Variants in BECN1 observed in about 807,000 individuals in gnomAD.
BECN1 encodes beclin 1, also known as beclin-1.
BECN1 carries 15 observed loss-of-function variants against 60.1 expected under a neutral mutation model. That is an observed-to-expected ratio of 0.25 (90% confidence interval 0.17 to 0.38). The LOEUF (loss-of-function observed/expected upper bound fraction) is 0.38, where lower values mean the gene tolerates loss of function less well. BECN1 is among the 10% of genes least tolerant of loss of function. The probability of loss-of-function intolerance (pLI) is 1.00; values close to 1 mark genes in which losing one functional copy is unlikely to be tolerated. For missense variants in BECN1, 424 were observed against 548.2 expected (o/e 0.77, Z 2.26); for synonymous variants, 179 against 201.8 (o/e 0.89, Z 0.96).
intron 11 of BECN1, 127 bp from the exon 12 acceptor site, chr17:42,811,055 A>G: frequency 9.5e-7 from 1 of 1,051,412 alleles, no homozygotes; most frequent in Non-Finnish European, 1.3e-6. Context: ...GAGGAATGAT[A>G]GTGTATTTTG....
chr17:42,820,875 T>A, intron 2 of BECN1, 34 bp from the exon 3 acceptor site: 3 of 1,546,894 alleles, frequency 1.9e-6, no homozygotes, highest in Non-Finnish European at 2.6e-6. Flanking sequence ...TCAGAAACAG[T>A]CTTATTAAAG....
chr17:42,819,063 AGG>A, intron 4 of BECN1, 186 bp from the exon 5 acceptor site: 2 of 617,996 alleles, frequency 3.2e-6, no homozygotes, highest in Non-Finnish European at 5.6e-6. Context: ...GGTCTTCCAC[AGG>A]GACACTCAGC....
chr17:42,811,754 T>TCCCAGAAAAACCGCAACCC lies in BECN1; in HGVS notation c.1066_1084dup (p.Asp362GlyfsTer11). On this transcript the variant is annotated frameshift_variant, in exon 11 of 12. Transcript: ENST00000590099. LOFTEE classifies it high-confidence loss of function. ...CACCATTGCATGGTCAAACTTGTTG[T>TCCCAGAAAAACCGCAACCC]CCCAGAAAAACCGCAACCCCCCAGA... is the stretch of plus-strand genomic sequence containing the variant. The TCCCAGAAAAACCGCAACCC allele has an allele frequency of 6.2e-7, 1 of 1,614,168 alleles. No individual in the cohort carries two copies. Among genetic ancestry groups the TCCCAGAAAAACCGCAACCC allele is most frequent in the Non-Finnish European group, 8.5e-7 (1 of 1,180,024 alleles).
chr17:42,822,097 G>A (rs1315708455), intron 2 of BECN1, among the ~76,000 whole-genome samples: 1 of 152,176 alleles, frequency 6.6e-6, no homozygotes. Flanking sequence ...CAGCTACTCA[G>A]GAGGCTGACG....
Position 42,819,611 on chromosome 17 carries a change from T to A in BECN1, c.199-2A>T. ...GCGAGGAGTTTCAATAAATGGCTCCTGGGAAAGAAATAAGAGGGCATTACA... is the reference window on the plus strand; with the variant it reads ...GCGAGGAGTTTCAATAAATGGCTCCAGGGAAAGAAATAAGAGGGCATTACA... On this transcript the variant is annotated splice_acceptor_variant, in intron 3 of 11. Transcript: ENST00000590099. LOFTEE classifies it high-confidence loss of function. 1 of 1,613,282 alleles carries A rather than the reference T, an allele frequency of 6.2e-7. No homozygotes were observed. Among genetic ancestry groups the A allele is most frequent in the Admixed American group, 1.7e-5 (1 of 59,908 alleles).
rs927601303 is a variant in BECN1, at chr17:42,818,747, G to C, written c.351+40C>G. On this transcript the variant is annotated intron_variant, in intron 5 of 11. Coordinates refer to ENST00000590099, the MANE Select transcript of BECN1 (RefSeq NM_001313998.2). ...TCCTGCTCAATTACCCACTCTCCCAGCCAGGCCTACTGCTTGCCACCGGAA... is the reference window on the plus strand; with the variant it reads ...TCCTGCTCAATTACCCACTCTCCCACCCAGGCCTACTGCTTGCCACCGGAA... 3 of 1,613,788 alleles carry C rather than the reference G, an allele frequency of 1.9e-6. No individual in the cohort carries two copies. The African/African-American group carries it at 4.0e-5, about 22-fold the overall frequency.
Position 42,814,062 on chromosome 17 carries a change from T to C in BECN1, c.981-54A>G, listed in dbSNP as rs74679505. 2,971 of 1,308,220 alleles carry C rather than the reference T, an allele frequency of 2.3e-3. 59 individuals are homozygous for C. The African/African-American group carries it at 0.038, about 17-fold the overall frequency. The allele number at this position is 1,308,220 out of a possible 1,614,324, so 81.0% of individuals were successfully genotyped here. ...TACAGGACTCCTCCCAAAGTGATTA[T>C]TGGGAAGTTACAACCCAATGATTTC... On this transcript the variant is annotated intron_variant, in intron 9 of 11. Coordinates refer to ENST00000590099, the MANE Select transcript of BECN1 (RefSeq NM_001313998.2).
At chr17:42,815,170 C>T (rs2055120237) in intron 8 of BECN1, among the ~76,000 whole-genome samples, 1 of 149,532 alleles carries the variant, frequency 6.7e-6, no homozygotes, top group African/African-American at 2.5e-5. Context: ...AACCTCTTAA[C>T]GAGGCCTACG....
chr17:42,811,596 G>C, intron 11 of BECN1, 59 bp downstream of exon 11: 2 of 1,557,440 alleles, frequency 1.3e-6, no homozygotes, highest in Non-Finnish European at 1.7e-6. Flanking sequence ...TATTACTGCT[G>C]CTTCAATTCT....
Position 42,810,937 on chromosome 17 carries a change from G to T in BECN1, c.1185-9C>A, listed in dbSNP as rs1176443440. 3 of 1,596,844 alleles carry T rather than the reference G, an allele frequency of 1.9e-6. No homozygotes were observed. The South Asian group carries it at 3.4e-5, about 18-fold the overall frequency. On this transcript the variant is annotated splice_polypyrimidine_tract_variant and intron_variant, in intron 11 of 11. Transcript: ENST00000590099. The stretch of plus-strand genomic sequence containing the variant: ...CTTTCTCCACATCCATCCTGCAGAT[G>T]GACAGAGCAAAACTCATTAGTAACT...
chr17:42,819,466 T>C, intron 4 of BECN1, 82 bp downstream of exon 4: 1 of 1,477,088 alleles, frequency 6.8e-7, no homozygotes, highest in Non-Finnish European at 9.3e-7. Context: ...CTCTATCACC[T>C]GGCTCCAGGT....
At chr17:42,811,571 C>G in intron 11 of BECN1, 84 bp downstream of exon 11, 1 of 1,520,652 alleles carries the variant, frequency 6.6e-7, no homozygotes, top group Non-Finnish European at 8.8e-7. Flanking sequence ...ACCATTTATA[C>G]TGTTTTGCCT....
chr17:42,815,699 G>A, intron 8 of BECN1: 2 of 628,558 alleles, frequency 3.2e-6, no homozygotes, highest in Non-Finnish European at 5.4e-6. Context: ...AAGGGCTCAG[G>A]CCTTTTCCTT....
At chr17:42,819,310 T>G (rs1284216647) in intron 4 of BECN1, 3 of 505,880 alleles carry the variant, frequency 5.9e-6, no homozygotes, top group Non-Finnish European at 1.0e-5. Context: ...ACTCCCTCAA[T>G]TTTTTTCAAT....
chr17:42,811,818 G>A, intron 10 of BECN1, 21 bp from the exon 11 acceptor site: 4 of 1,603,968 alleles, frequency 2.5e-6, no homozygotes, highest in Non-Finnish European at 3.4e-6. Flanking sequence ...AGAGAAAACT[G>A]GCTATGGATC....
chr17:42,810,957 G>GT (rs2054987441), intron 11 of BECN1, 29 bp from the exon 12 acceptor site: 1 of 1,544,194 alleles, frequency 6.5e-7, no homozygotes, highest in Non-Finnish European at 8.7e-7. Context: ...AAACTCATTA[G>GT]TAACTGAGAT....
At chr17:42,815,176 C>T (rs2055120363) in intron 8 of BECN1, among the ~76,000 whole-genome samples, 1 of 148,748 alleles carries the variant, frequency 6.7e-6, no homozygotes, top group African/African-American at 2.5e-5. Flanking sequence ...TTAACGAGGC[C>T]TACGAGATCC....
intron 2 of BECN1, among the ~76,000 whole-genome samples, chr17:42,821,666 G>A (rs954267880): frequency 3.3e-5 from 5 of 152,150 alleles, no homozygotes; most frequent in Non-Finnish European, 5.9e-5. Context: ...TTACATCAGT[G>A]TATCCATTTG....
At chr17:42,814,212 G>T in intron 9 of BECN1, 1 of 545,434 alleles carries the variant, frequency 1.8e-6, no homozygotes, top group South Asian at 2.7e-5. Context: ...ATTGCCTGGG[G>T]GCCTTCCATG....
Sources: gnomAD v4.1 joint callset for allele counts (sites outside exome capture counted in the v4.1 genomes callset) on GRCh38, gnomAD v4.1.1 for gene constraint, MANE v1.5 for transcripts, NCBI Gene and HGNC (gene_info 2026-07-23, HGNC 2026-07-21) for gene names.